MBD5: variants seen among roughly 807,000 people sequenced by gnomAD.
MBD5 encodes methyl-CpG binding domain protein 5, also known as methyl-CpG-binding domain protein 5.
A neutral mutation model predicts 117.3 loss-of-function variants in MBD5; 13 were observed. The ratio of observed to expected loss-of-function variants is 0.11; its 90% CI spans 0.07 to 0.18. The LOEUF (loss-of-function observed/expected upper bound fraction) is 0.18, where lower values mean the gene tolerates loss of function less well. MBD5 is among the 10% of genes least tolerant of loss of function. The pLI is 1.00. For synonymous variants in MBD5, 727 were observed against 766.4 expected, an observed-to-expected ratio of 0.95 and a Z score of 0.85; for missense variants, 1,879 against 2,093.8, an observed-to-expected ratio of 0.90 and a Z score of 2.00.
chr2:148,235,637 G>A (rs571573473), intron 3 of MBD5, among the ~76,000 whole-genome samples: 2 of 152,272 alleles, frequency 1.3e-5, no homozygotes, highest in South Asian at 4.1e-4. Context: ...TGCAGGTTTG[G>A]TTCCAGACTA....
intron 11 of MBD5, among the ~76,000 whole-genome samples, chr2:148,497,737 A>T (rs956366245): frequency 1.3e-5 from 2 of 151,254 alleles, no homozygotes; most frequent in African/African-American, 4.9e-5. Context: ...ATGAGCTATG[A>T]TCACACCACT....
chr2:148,498,369 G>A (rs1681766503), intron 11 of MBD5, among the ~76,000 whole-genome samples: 1 of 152,088 alleles, frequency 6.6e-6, no homozygotes, highest in South Asian at 2.1e-4. Flanking sequence ...GTTTTTGTTT[G>A]TTTGGTTTTT....
intron 4 of MBD5, among the ~76,000 whole-genome samples, chr2:148,359,787 T>A (rs1473692289): frequency 1.3e-5 from 2 of 152,222 alleles, no homozygotes; most frequent in Non-Finnish European, 2.9e-5. Context: ...TGCTGGCATA[T>A]GTGACTGCTC....
chr2:148,458,137 A>G, intron 4 of MBD5, 66 bp from the exon 5 acceptor site: 1 of 396,750 alleles, frequency 2.5e-6, no homozygotes, highest in Non-Finnish European at 4.4e-6. Flanking sequence ...ATTCTATTTT[A>G]AAACTGTAAA....
intron 6 of MBD5, 135 bp downstream of exon 6, chr2:148,462,819 T>G (rs1032099828): frequency 6.0e-6 from 4 of 670,350 alleles, no homozygotes; most frequent in Non-Finnish European, 7.7e-6. Context: ...ATTCTCATAT[T>G]TTGCATGTGT....
intron 1 of MBD5, among the ~76,000 whole-genome samples, chr2:148,103,446 G>A (rs1411583364): frequency 4.6e-5 from 7 of 152,100 alleles, no homozygotes; most frequent in Non-Finnish European, 1.0e-4. Flanking sequence ...TACTCTCTCC[G>A]AAGCTCATCA....
chr2:148,338,588 A>G (rs891580021), intron 3 of MBD5, among the ~76,000 whole-genome samples: 1 of 152,206 alleles, frequency 6.6e-6, no homozygotes, highest in Non-Finnish European at 1.5e-5. Flanking sequence ...TCAGTGGGGA[A>G]ATGACATTTC....
chr2:148,395,787 AGT>A, intron 4 of MBD5, among the ~76,000 whole-genome samples: 1 of 152,270 alleles, frequency 6.6e-6, no homozygotes, highest in African/African-American at 2.4e-5. Flanking sequence ...AATGTTAGTC[AGT>A]CAGCTATACT....
intron 4 of MBD5, among the ~76,000 whole-genome samples, chr2:148,362,614 C>G (rs1703575163): frequency 6.6e-6 from 1 of 152,186 alleles, no homozygotes; most frequent in African/African-American, 2.4e-5. Context: ...AGTGCATCTC[C>G]CGGCACAATG....
intron 3 of MBD5, among the ~76,000 whole-genome samples, chr2:148,261,351 A>T (rs1700727792): frequency 6.6e-6 from 1 of 152,218 alleles, no homozygotes; most frequent in Admixed American, 6.5e-5. Context: ...TTGTTTGTTC[A>T]TCAATGATCT....
intron 1 of MBD5, among the ~76,000 whole-genome samples, chr2:148,171,258 A>G (rs1188436442): frequency 6.6e-6 from 1 of 152,214 alleles, no homozygotes; most frequent in East Asian, 1.9e-4. Context: ...AACCAAATGC[A>G]ACAACGCATT....
chr2:148,493,526 G>A (rs1400786939), intron 11 of MBD5, among the ~76,000 whole-genome samples: 1 of 152,150 alleles, frequency 6.6e-6, no homozygotes, highest in Non-Finnish European at 1.5e-5. Flanking sequence ...AAACAAGCTG[G>A]GTGCCTCTCC....
intron 1 of MBD5, among the ~76,000 whole-genome samples, chr2:148,074,507 GTTTTTTTT>G (rs11443189): frequency 8.8e-6 from 1 of 113,772 alleles, no homozygotes; most frequent in African/African-American, 3.5e-5. Context: ...TTTTTTTTTT[GTTTTTTTT>G]TTTGAGATGG....
rs182564358 is a variant in MBD5, at chr2:148,178,358, A to T, written c.-924-342A>T. Among the ~76,000 whole-genome samples, 140 of 152,294 alleles carry T rather than the reference A, an allele frequency of 9.2e-4. 1 individual carries two copies. Among genetic ancestry groups the T allele is most frequent in the Admixed American group, 2.0e-3 (30 of 15,304 alleles). ...TTGAGCAGGGAAACTATTTTTTAGAATGGGGCTCTGTTCATGCAGGACACC... is the reference window on the plus strand; with the variant it reads ...TTGAGCAGGGAAACTATTTTTTAGATTGGGGCTCTGTTCATGCAGGACACC... On this transcript the variant is annotated intron_variant, in intron 1 of 13. Transcript: ENST00000642680.
rs1425102369 is a variant in MBD5 at position 148,179,696 on chromosome 2, C to G, written c.-831+903C>G. On this transcript the variant is annotated intron_variant, in intron 2 of 13. Coordinates refer to ENST00000642680, the MANE Select transcript of MBD5 (RefSeq NM_001378120.1). ...ATACTTAACATGACTAAGTAAATTT[C>G]TGAGCACATTTTGTTAAAATTTCAA... 2.0e-5 allele frequency among the ~76,000 whole-genome samples: 3 copies of G among 152,076 alleles called. No individual in the cohort carries two copies. The East Asian group carries it at 5.8e-4, about 29-fold the overall frequency.
chr2:148,144,422 G>A (rs1267520083), intron 1 of MBD5, among the ~76,000 whole-genome samples: 1 of 152,038 alleles, frequency 6.6e-6, no homozygotes, highest in Non-Finnish European at 1.5e-5. Context: ...ATGGTAGTTT[G>A]TTTTGCTCTG....
chr2:148,346,184 T>C (rs1419456070), intron 4 of MBD5: 1 of 145,386 alleles, frequency 6.9e-6, no homozygotes, highest in African/African-American at 2.5e-5. Flanking sequence ...ATAAACTCTA[T>C]TTGAAAAGAA....
In MBD5 at chr2:148,463,927, A is replaced by G. The variant is rs1306265998; in HGVS notation, c.397+8A>G. On this transcript the variant is annotated splice_region_variant and intron_variant, in intron 7 of 13. Transcript: ENST00000642680. ...GTCCCGGAGGAGGAACAAGTATGTA[A>G]TATGGTGAAAGGTTCAGGAATTCTC... The G allele has an allele frequency of 1.9e-6, 3 of 1,613,070 alleles. No individual in the cohort carries two copies. In the Middle Eastern group the frequency reaches 5.0e-4, roughly 267 times the overall value.
At chr2:148,361,316 T>C (rs10181225) in intron 4 of MBD5, among the ~76,000 whole-genome samples, 76,501 of 151,770 alleles carry the variant, frequency 0.5, 19,489 homozygotes, top group East Asian at 0.74. Flanking sequence ...CACAACTGCA[T>C]TGCAGCCTGG....
Sources: allele counts gnomAD v4.1 joint callset (sites outside exome capture counted in the v4.1 genomes callset), GRCh38; gene constraint gnomAD v4.1.1; transcripts MANE v1.5; gene names NCBI Gene and HGNC (gene_info 2026-07-23, HGNC 2026-07-21).